The following PRDM1 variants were observed in gnomAD, a reference collection of about 807,000 sequenced individuals.
PRDM1 encodes the protein PR/SET domain 1.
In PRDM1, 13 loss-of-function variants were observed where a neutral mutation model predicts 62.8. The ratio of observed to expected loss-of-function variants is 0.21; its 90% CI spans 0.13 to 0.33. The LOEUF (loss-of-function observed/expected upper bound fraction) is 0.33, where lower values mean the gene tolerates loss of function less well. Among genes scored for constraint, PRDM1 ranks in the 10% least tolerant of loss-of-function variants. The pLI, the probability that PRDM1 is intolerant of heterozygous loss-of-function variation, is 1.00. For synonymous variants in PRDM1, 396 were observed against 417.6 expected (o/e 0.95, Z 0.63); for missense variants, 895 against 1,058.8 (o/e 0.85, Z 2.15).
chr6:106,054,668 A>G (rs1773234942), intron 1 of PRDM1, among the ~76,000 whole-genome samples: 1 of 152,232 alleles, frequency 6.6e-6, no homozygotes, highest in African/African-American at 2.4e-5. Context: ...GATAAGGACC[A>G]TGTGCATTTT....
At chr6:106,034,122 G>C (rs918824752) in intron 1 of PRDM1, among the ~76,000 whole-genome samples, 1 of 151,756 alleles carries the variant, frequency 6.6e-6, no homozygotes, top group East Asian at 1.9e-4. Flanking sequence ...TTCTGATTTT[G>C]GTAATTTGAG....
intron 1 of PRDM1, chr6:106,087,536 G>A (rs1328378325): frequency 8.6e-6 from 2 of 232,722 alleles, no homozygotes; most frequent in African/African-American, 4.4e-5. Flanking sequence ...TGGTCCAAGT[G>A]ATTTCTAAGA....
At chr6:106,075,921 A>G (rs556818536) in intron 1 of PRDM1, among the ~76,000 whole-genome samples, 27 of 151,992 alleles carry the variant, frequency 1.8e-4, no homozygotes, top group African/African-American at 6.5e-4. Context: ...TAAGACCATA[A>G]TAAAAATCAC....
Position 106,086,588 on chromosome 6 carries a change from C to G in PRDM1, c.35C>G (p.Thr12Arg). ...ATTTGCTTGGAAAAACGTGTGGGTACGACCTTGGTAAGGAACTTGAATTTT... is the reference window on the plus strand; with the variant it reads ...ATTTGCTTGGAAAAACGTGTGGGTAGGACCTTGGTAAGGAACTTGAATTTT... ...LDICLEKRVG[T>R]TLAAPKCNSS... Residue 12 changes from threonine (T) to arginine (R), a missense_variant, in exon 1 of 7, where the codon ACG becomes AGG. By Grantham distance (71) the Thr-to-Arg change is moderately conservative (BLOSUM62 -1). This residue lies in a region of PRDM1 where 213 missense variants were observed against 283.9 expected (regional missense o/e 0.75). Transcript: ENST00000369096. 2.6e-6 allele frequency: 4 copies of G among 1,551,086 alleles called. No homozygotes were observed. The highest frequency in any genetic ancestry group is 2.4e-5 in the South Asian group (2 of 83,976).
chr6:106,068,021 T>C (rs565251688), intron 1 of PRDM1, among the ~76,000 whole-genome samples: 3 of 152,258 alleles, frequency 2.0e-5, no homozygotes, highest in African/African-American at 7.2e-5. Context: ...ATACTCACAT[T>C]GTTCAGAATT....
chr6:106,089,111 A>G (rs1187978444), intron 2 of PRDM1, among the ~76,000 whole-genome samples: 1 of 152,206 alleles, frequency 6.6e-6, no homozygotes, highest in Admixed American at 6.5e-5. Flanking sequence ...GTTGTTTCAA[A>G]GGGGATGAAA....
chr6:106,037,134 GA>G (rs1456673350), intron 1 of PRDM1, among the ~76,000 whole-genome samples: 1 of 152,118 alleles, frequency 6.6e-6, no homozygotes, highest in Non-Finnish European at 1.5e-5. Flanking sequence ...CCTCACTTTT[GA>G]AGGATAGTTT....
chr6:106,028,659 A>G (rs1772797036), intron 1 of PRDM1, among the ~76,000 whole-genome samples: 1 of 152,202 alleles, frequency 6.6e-6, no homozygotes, highest in Admixed American at 6.5e-5. Context: ...AACTGCACAT[A>G]TTTAAAGTGT....
intron 2 of PRDM1, among the ~76,000 whole-genome samples, chr6:106,089,669 C>T (rs1029456365): frequency 6.6e-6 from 1 of 152,118 alleles, no homozygotes; most frequent in African/African-American, 2.4e-5. Context: ...TTGAATGTTA[C>T]CAAAAAATTT....
At chr6:106,019,925 C>A (rs1772672691) in intron 1 of PRDM1, among the ~76,000 whole-genome samples, 2 of 149,120 alleles carry the variant, frequency 1.3e-5, no homozygotes, top group African/African-American at 4.9e-5. Context: ...CAGGCGTGAG[C>A]TGCCTCTTTC....
intron 1 of PRDM1, among the ~76,000 whole-genome samples, chr6:106,055,976 A>T (rs1485617244): frequency 1.3e-5 from 2 of 152,154 alleles, no homozygotes; most frequent in Admixed American, 6.6e-5. Context: ...GTGGGAGGGG[A>T]TTGGGAGAAA....
intron 1 of PRDM1, among the ~76,000 whole-genome samples, chr6:106,065,894 A>G (rs1773425216): frequency 6.6e-6 from 1 of 152,164 alleles, no homozygotes; most frequent in South Asian, 2.1e-4. Context: ...GCTTAGCTGG[A>G]TCCCTGCAGA....
chr6:106,102,624 G>T (rs1774305360), intron 4 of PRDM1, among the ~76,000 whole-genome samples: 1 of 152,182 alleles, frequency 6.6e-6, no homozygotes, highest in Non-Finnish European at 1.5e-5. Flanking sequence ...AGGTACTTAA[G>T]AAGAATCCCT....
chr6:106,092,149 A>G (rs1020722674), intron 2 of PRDM1, among the ~76,000 whole-genome samples: 210 of 85,840 alleles, frequency 2.4e-3, no homozygotes, highest in East Asian at 0.015. Context: ...AAAAAAAAAC[A>G]AACCTATATT....
intron 3 of PRDM1, 131 bp from the exon 4 acceptor site, chr6:106,099,169 T>G: frequency 6.2e-7 from 1 of 1,603,268 alleles, no homozygotes; most frequent in Non-Finnish European, 8.5e-7. Context: ...GCTAAACTGA[T>G]TGGATTCTTT....
chr6:106,022,773 C>G (rs1348233979), intron 1 of PRDM1, among the ~76,000 whole-genome samples: 1 of 152,150 alleles, frequency 6.6e-6, no homozygotes, highest in Admixed American at 6.5e-5. Flanking sequence ...CTAGGCTGGT[C>G]TCAAACTCCT....
upstream of PRDM1, among the ~76,000 whole-genome samples, chr6:106,082,178 C>G (rs1457305368): frequency 1.3e-5 from 2 of 152,160 alleles, no homozygotes; most frequent in African/African-American, 4.8e-5. Flanking sequence ...CAGGTTTTGC[C>G]TTCTGTTAGT....
chr6:106,040,291 G>A (rs994042965), intron 1 of PRDM1, among the ~76,000 whole-genome samples: 1 of 152,142 alleles, frequency 6.6e-6, no homozygotes, highest in African/African-American at 2.4e-5. Context: ...TGATTGATTT[G>A]TCCTCTTCTC....
intron 1 of PRDM1, among the ~76,000 whole-genome samples, chr6:106,010,230 C>T (rs958922176): frequency 2.0e-5 from 3 of 152,142 alleles, no homozygotes; most frequent in African/African-American, 4.8e-5. Flanking sequence ...CTTCGACAGG[C>T]GTTTCTAATC....
Sources: allele counts gnomAD v4.1 joint callset (sites outside exome capture counted in the v4.1 genomes callset), GRCh38; gene constraint gnomAD v4.1.1; regional missense constraint gnomAD v4.1.1; transcripts MANE v1.5; gene names NCBI Gene and HGNC (gene_info 2026-07-23, HGNC 2026-07-21).